ECPAS: variants seen among roughly 807,000 people sequenced by gnomAD.
ECPAS encodes Ecm29 proteasome adaptor and scaffold, also known as proteasome adapter and scaffold protein ECM29.
Under a neutral mutation model 255.1 loss-of-function variants are expected in ECPAS, and 70 were observed. That is an observed-to-expected ratio of 0.27 (90% CI 0.23 to 0.33). The LOEUF (loss-of-function observed/expected upper bound fraction) is 0.33. Among genes scored for constraint, ECPAS ranks in the 10% least tolerant of loss-of-function variants. ECPAS has a pLI of 1.00. For missense variants in ECPAS, 1,817 were observed against 2,206.4 expected (o/e 0.82, Z 3.54); for synonymous variants, 784 against 775.0 (o/e 1.01, Z -0.19).
intron 1 of ECPAS, among the ~76,000 whole-genome samples, chr9:111,473,890 C>A (rs945838000): frequency 6.6e-5 from 10 of 152,050 alleles, no homozygotes; most frequent in African/African-American, 2.4e-4. Flanking sequence ...TGGATTGAGA[C>A]CAGGAAATTG....
At chr9:111,429,949 G>A in intron 9 of ECPAS, among the ~76,000 whole-genome samples, 1 of 152,204 alleles carries the variant, frequency 6.6e-6, no homozygotes, top group Non-Finnish European at 1.5e-5. Context: ...ACGTTAGTAA[G>A]GCAAAGGTCT....
intron 24 of ECPAS, among the ~76,000 whole-genome samples, chr9:111,399,338 G>A (rs1203911715): frequency 6.6e-6 from 1 of 152,176 alleles, no homozygotes; most frequent in Non-Finnish European, 1.5e-5. Flanking sequence ...AATAACAAGA[G>A]GAGACTGACT....
In ECPAS at chr9:111,364,609, T is replaced by C. The variant is rs1354689168; in HGVS notation, c.5309-950A>G. ...AAGAATCATCAATGCATGCTAAATA[T>C]AGAGAAGAAATTTTAAAGAAGAGAA... On this transcript the variant is annotated intron_variant, in intron 48 of 49. Coordinates refer to ENST00000684092, the MANE Select transcript of ECPAS (RefSeq NM_001364929.1). Among the ~76,000 whole-genome samples the C allele has an allele frequency of 2.6e-5, 4 of 152,246 alleles. No homozygotes were observed. The East Asian group carries it at 5.8e-4, about 22-fold the overall frequency.
In ECPAS at chr9:111,475,973, T is replaced by A. The variant is rs1481170239; in HGVS notation, c.-82-2973A>T. On this transcript the variant is annotated intron_variant, in intron 1 of 49. Transcript: ENST00000684092. Reference sequence around the variant, plus strand: ...CTATTTCAGTATGGTCACAGAATCATGTTCAACACACAGCTTCCCAAATCT... The same window carrying A: ...CTATTTCAGTATGGTCACAGAATCAAGTTCAACACACAGCTTCCCAAATCT... 3.3e-5 allele frequency among the ~76,000 whole-genome samples: 5 copies of A among 152,322 alleles called. 1 individual carries two copies. In the South Asian group the frequency reaches 1.0e-3, roughly 32 times the overall value.
chr9:111,447,101 CTTTT>C (rs200871078), intron 3 of ECPAS, among the ~76,000 whole-genome samples: 9 of 151,238 alleles, frequency 6.0e-5, no homozygotes, highest in African/African-American at 2.2e-4. Context: ...CAATTGCATG[CTTTT>C]TTTTAATAAT....
At chr9:111,451,620 T>G (rs2098260371) in intron 2 of ECPAS, 65 bp from the exon 3 acceptor site, 1 of 1,421,326 alleles carries the variant, frequency 7.0e-7, no homozygotes, top group Non-Finnish European at 9.3e-7. Context: ...CCAATTATTT[T>G]TATAGCTTAT....
At chr9:111,420,198 C>A (rs1022825103) in intron 15 of ECPAS, 78 bp from the exon 16 acceptor site, 8 of 906,214 alleles carry the variant, frequency 8.8e-6, no homozygotes, top group Non-Finnish European at 1.4e-5. Flanking sequence ...CCATTCATTC[C>A]AATCAAGATG....
At position 111,407,428 on chromosome 9, in the gene ECPAS, A is replaced by AAAAAAAAAAAAAAAAAAAAG. The variant is rs751687233; in HGVS notation, c.2652+1142_2652+1143insCTTTTTTTTTTTTTTTTTTT. Among the ~76,000 whole-genome samples the AAAAAAAAAAAAAAAAAAAAG allele has an allele frequency of 3.8e-4, 38 of 98,818 alleles. 3 individuals carry two copies. The highest frequency in any genetic ancestry group is 7.0e-4 in the Non-Finnish European group (27 of 38,754). 64.8% of individuals were successfully genotyped at this position (98,818 alleles called of 152,430 possible). A position where few individuals can be genotyped will look rare whatever the true frequency, so the allele number is the denominator to read the frequency against. On this transcript the variant is annotated intron_variant, in intron 24 of 49. Coordinates refer to ENST00000684092, the MANE Select transcript of ECPAS (RefSeq NM_001364929.1). ...GAAAAAAAAAAAAAAAAAAAAAAAAAAAAAAAAAAACCTAGAAGAAACCCA... is the reference window on the plus strand; with the variant it reads ...GAAAAAAAAAAAAAAAAAAAAAAAAAAAAAAAAAAAAAAAAAAAAGAAAAAAAAAACCTAGAAGAAACCCA...
intron 49 of ECPAS, 22 bp from the exon 50 acceptor site, chr9:111,362,191 A>G (rs768954351): frequency 3.9e-4 from 598 of 1,523,796 alleles, no homozygotes; most frequent in Non-Finnish European, 5.0e-4. Context: ...AAAAAAAACA[A>G]AAACAAAAAA....
intron 1 of ECPAS, among the ~76,000 whole-genome samples, chr9:111,480,522 T>C (rs1036537718): frequency 6.6e-6 from 1 of 152,112 alleles, no homozygotes; most frequent in South Asian, 2.1e-4. Flanking sequence ...GGTCTTGAAC[T>C]CCTGACCTCA....
At position 111,407,401 on chromosome 9, in the gene ECPAS, C is replaced by CAGAAAAAAAAA. The variant is rs1564523296; in HGVS notation, c.2652+1159_2652+1169dup. Among the ~76,000 whole-genome samples the CAGAAAAAAAAA allele has an allele frequency of 2.0e-3, 9 of 4,570 alleles. 1 individual carries two copies. Among genetic ancestry groups the CAGAAAAAAAAA allele is most frequent in the African/African-American group, 6.5e-3 (9 of 1,382 alleles). The allele number at this position is 4,570 out of a possible 152,430, so 3.0% of individuals were successfully genotyped here. A position where few individuals can be genotyped will look rare whatever the true frequency, so the allele number is the denominator to read the frequency against. ...TGGGAGACAGAGCAAAACTCCATCT[C>CAGAAAAAAAAA]AGAAAAAAAAAAAAAAAAAAAAAAA... On this transcript the variant is annotated intron_variant, in intron 24 of 49. Coordinates refer to ENST00000684092, the MANE Select transcript of ECPAS (RefSeq NM_001364929.1).
chr9:111,377,452 T>TA (rs2098134646), intron 36 of ECPAS, among the ~76,000 whole-genome samples: 1 of 152,146 alleles, frequency 6.6e-6, no homozygotes, highest in Non-Finnish European at 1.5e-5. Context: ...TTATCACACA[T>TA]ACGTTATTCA....
At chr9:111,420,866 A>C (rs2098212504) in intron 15 of ECPAS, among the ~76,000 whole-genome samples, 1 of 152,198 alleles carries the variant, frequency 6.6e-6, no homozygotes, top group African/African-American at 2.4e-5. Flanking sequence ...TGAGGATATT[A>C]AAGACTAGCC....
chr9:111,377,987 A>G (rs545290161), intron 36 of ECPAS, among the ~76,000 whole-genome samples: 83 of 152,138 alleles, frequency 5.5e-4, no homozygotes, highest in Middle Eastern at 3.4e-3. Flanking sequence ...TCTACTAAAA[A>G]TACAAAAAAT....
chr9:111,363,107 TC>T (rs3837271), intron 49 of ECPAS, among the ~76,000 whole-genome samples: 1 of 146,754 alleles, frequency 6.8e-6, no homozygotes, highest in Non-Finnish European at 1.5e-5. Context: ...TGCTAACAGT[TC>T]CCCCCCACCC....
intron 13 of ECPAS, among the ~76,000 whole-genome samples, chr9:111,422,475 C>T (rs1334843840): frequency 1.3e-5 from 2 of 152,192 alleles, no homozygotes; most frequent in African/African-American, 4.8e-5. Context: ...TAAGACCAAA[C>T]TGTGATCTAA....
intron 37 of ECPAS, among the ~76,000 whole-genome samples, chr9:111,375,908 A>G (rs930404784): frequency 2.6e-5 from 4 of 152,182 alleles, no homozygotes; most frequent in Admixed American, 2.0e-4. Flanking sequence ...TTAGCAAACT[A>G]ATTTCCAGTA....
intron 2 of ECPAS, among the ~76,000 whole-genome samples, chr9:111,467,433 T>C (rs1401573724): frequency 1.3e-5 from 2 of 152,242 alleles, no homozygotes; most frequent in African/African-American, 2.4e-5. Context: ...TGTTTAATTA[T>C]GTGTCATTAC....
chr9:111,438,988 G>A (rs1307988235), intron 6 of ECPAS, among the ~76,000 whole-genome samples: 1 of 152,168 alleles, frequency 6.6e-6, no homozygotes, highest in Non-Finnish European at 1.5e-5. Context: ...AATTTATCTG[G>A]CAGATGGACA....
Sources: gnomAD v4.1 joint callset for allele counts (sites outside exome capture counted in the v4.1 genomes callset) on GRCh38, gnomAD v4.1.1 for gene constraint, MANE v1.5 for transcripts, NCBI Gene and HGNC (gene_info 2026-07-23, HGNC 2026-07-21) for gene names.